Variants in DUOX1 observed in about 807,000 individuals in gnomAD.
DUOX1 encodes the protein dual oxidase 1.
Under a neutral mutation model 181.8 loss-of-function variants are expected in DUOX1, and 134 were observed. The ratio of observed to expected loss-of-function variants is 0.74; its 90% CI spans 0.64 to 0.85. The LOEUF is 0.85. Among genes scored for constraint, DUOX1 ranks in the 40% least tolerant of loss-of-function variants. DUOX1 has a pLI of 0.00. For synonymous variants in DUOX1, 798 were observed against 832.5 expected, an observed-to-expected ratio of 0.96 and a Z score of 0.71; for missense variants, 1,814 against 2,064.4, an observed-to-expected ratio of 0.88 and a Z score of 2.35.
At chr15:45,137,185 T>TAA (rs35442034) in intron 9 of DUOX1, among the ~76,000 whole-genome samples, 1,081 of 81,896 alleles carry the variant, frequency 0.013, 13 homozygotes, top group African/African-American at 0.032. Flanking sequence ...TCGTCTCTAC[T>TAA]AAAAAAAAAA....
intron 33 of DUOX1, 110 bp downstream of exon 33, chr15:45,164,028 C>T (rs1188185001): frequency 1.4e-6 from 2 of 1,462,432 alleles, no homozygotes; most frequent in African/African-American, 1.4e-5. Flanking sequence ...GAGAACCCAT[C>T]CCCTGGGAGA....
rs1328508633 is a variant in DUOX1 at position 45,155,866 on chromosome 15, C to G, written c.3639C>G (p.Phe1213Leu). 6.2e-7 allele frequency: 1 copy of G among 1,614,174 alleles called. No individual in the cohort carries two copies. The highest frequency in any genetic ancestry group is 1.7e-5 in the Admixed American group (1 of 60,006). ...TGTATGTCTTTGCCTCCCACCACTTCCGCCGCCGCAGTTTCCGGGGCTTCT... is the reference window on the plus strand; with the variant it reads ...TGTATGTCTTTGCCTCCCACCACTTGCGCCGCCGCAGTTTCCGGGGCTTCT... ...AIMYVFASHHFRRRSFRGFWL... is the reference protein window; with the variant it reads ...AIMYVFASHHLRRRSFRGFWL... Residue 1213 changes from phenylalanine to leucine, a missense_variant, in exon 28 of 34, where the codon TTC becomes TTG. By Grantham distance (22) the Phe-to-Leu change is conservative. Transcript: ENST00000389037.
rs750722681 is a variant in DUOX1, at chr15:45,139,423, C to T, written c.1217-4C>T. On this transcript the variant is annotated splice_polypyrimidine_tract_variant and splice_region_variant and intron_variant, in intron 11 of 33. Coordinates refer to ENST00000389037, the MANE Select transcript of DUOX1 (RefSeq NM_175940.3). ...CCTCAGACTGTCTGGTATCTTGTCT[C>T]CAGATTTCTGGCCTGGGCCACTGAA... The T allele has an allele frequency of 2.5e-6, 4 of 1,612,334 alleles. No homozygotes were observed. Among genetic ancestry groups the T allele is most frequent in the Non-Finnish European group, 3.4e-6 (4 of 1,179,520 alleles).
chr15:45,161,995 C>T (rs750875971), intron 30 of DUOX1, 25 bp downstream of exon 30: 4 of 1,582,542 alleles, frequency 2.5e-6, no homozygotes, highest in Non-Finnish European at 3.4e-6. Context: ...CCAGACATGC[C>T]ACATGCGCCC....
rs140106345 is a variant in DUOX1 at position 45,151,949 on chromosome 15, G to A, written c.3090G>A (p.Thr1030=). ...TCCAACGCAGCTGTCTCCACCAGAC[G>A]GTGCAACAGTTCAAGCGCTTCATTG... is the stretch of plus-strand genomic sequence containing the variant. ...EKFQRSCLHQ[T]VQQFKRFIEN... The change falls in exon 24 of 34, where the codon ACG becomes ACA. Residue 1030 remains threonine, a synonymous_variant. Transcript: ENST00000389037. 5.1e-4 allele frequency: 822 copies of A among 1,614,002 alleles called. 1 individual carries two copies. Among genetic ancestry groups the A allele is most frequent in the East Asian group, 2.4e-3 (107 of 44,850 alleles).
At position 45,135,541 on chromosome 15, in the gene DUOX1, C is replaced by T. The variant is rs773102580; in HGVS notation, c.563C>T (p.Ala188Val). Reference sequence around the variant, plus strand: ...GGTTCCTCGCATTCCTGGAGCGACGCGCTGCGGAGCTTCTCCAGGGGACAG... The same window carrying T: ...GGTTCCTCGCATTCCTGGAGCGACGTGCTGCGGAGCTTCTCCAGGGGACAG... ...IYGSSHSWSDALRSFSRGQLA... is the reference protein window; with the variant it reads ...IYGSSHSWSDVLRSFSRGQLA... Residue 188 changes from alanine (A) to valine (V), a missense_variant, in exon 6 of 34, where the codon GCG becomes GTG. By Grantham distance (64) the Ala-to-Val change is moderately conservative. Coordinates refer to ENST00000389037, the MANE Select transcript of DUOX1 (RefSeq NM_175940.3). The T allele has an allele frequency of 6.4e-6, 10 of 1,558,468 alleles. No individual in the cohort carries two copies. The South Asian group carries it at 1.1e-4, about 17-fold the overall frequency.
At chr15:45,143,152 C>A (rs371160776) in intron 15 of DUOX1, 38 bp from the exon 16 acceptor site, 2 of 1,539,394 alleles carry the variant, frequency 1.3e-6, no homozygotes, top group Admixed American at 1.7e-5. Flanking sequence ...TCCCCTAGAC[C>A]CCCACGTCTC....
At position 45,133,676 on chromosome 15, in the gene DUOX1, G is replaced by C. The variant is rs986808536; in HGVS notation, c.59-188G>C. The stretch of plus-strand genomic sequence containing the variant: ...TGTCTCCCCCACTGAGCAGCTTAAA[G>C]ATCTGGCTTGAGTTTGGACACTACT... On this transcript the variant is annotated intron_variant, in intron 2 of 33. Transcript: ENST00000389037. 5.3e-5 allele frequency among the ~76,000 whole-genome samples: 8 copies of C among 152,324 alleles called. 1 individual carries two copies. In the South Asian group the frequency reaches 1.4e-3, roughly 28 times the overall value.
chr15:45,138,886 G>C (rs1896410260), intron 10 of DUOX1, 180 bp from the exon 11 acceptor site: 1 of 605,638 alleles, frequency 1.7e-6, no homozygotes, highest in African/African-American at 1.9e-5. Flanking sequence ...CTGACAGAGG[G>C]GACACCCCTC....
At chr15:45,131,699 C>T in intron 1 of DUOX1, 3 of 500,016 alleles carry the variant, frequency 6.0e-6, no homozygotes, top group East Asian at 3.7e-5. Flanking sequence ...TTGTTCGTCA[C>T]TTAATCTCCA....
intron 9 of DUOX1, 80 bp downstream of exon 9, chr15:45,136,705 T>C: frequency 7.6e-7 from 1 of 1,322,500 alleles, no homozygotes; most frequent in East Asian, 2.3e-5. Flanking sequence ...AGGAGCCCTC[T>C]GTACAGGATT....
chr15:45,141,920 T>G, intron 14 of DUOX1, 55 bp from the exon 15 acceptor site: 1 of 1,565,054 alleles, frequency 6.4e-7, no homozygotes, highest in Non-Finnish European at 8.7e-7. Context: ...TCCGTGATCC[T>G]GTGCCAGCAC....
Position 45,152,008 on chromosome 15 carries a change from T to C in DUOX1, c.3149T>C (p.Val1050Ala). 3 of 1,614,086 alleles carry C rather than the reference T, an allele frequency of 1.9e-6. No homozygotes were observed. The highest frequency in any genetic ancestry group is 2.5e-6 in the Non-Finnish European group (3 of 1,180,012). ...CGGCGCCACATCGGCTGCGTGGCCG[T>C]GTTCTACGCCATCGCTGGGGGGCTT... is the stretch of plus-strand genomic sequence containing the variant. ...NYRRHIGCVA[V>A]FYAIAGGLFL... Residue 1050 changes from valine to alanine, a missense_variant, in exon 24 of 34, where the codon GTG (valine) becomes GCG (alanine). By Grantham distance (64) the Val-to-Ala change is moderately conservative. This residue lies in a region of DUOX1 where 1,064 missense variants were observed against 1,152.9 expected (regional missense o/e 0.92). Transcript: ENST00000389037.
intron 14 of DUOX1, 109 bp downstream of exon 14, chr15:45,141,519 G>A (rs764934474): frequency 2.4e-6 from 3 of 1,240,876 alleles, no homozygotes; most frequent in African/African-American, 1.5e-5. Flanking sequence ...GCTCCAAGAG[G>A]GGAGTGAGCT....
At chr15:45,134,633 G>A (rs769352238) in intron 4 of DUOX1, among the ~76,000 whole-genome samples, 4 of 152,174 alleles carry the variant, frequency 2.6e-5, no homozygotes, top group Non-Finnish European at 4.4e-5. Flanking sequence ...AATCTGGGAG[G>A]GCCTCTCCGT....
Position 45,145,092 on chromosome 15 carries a change from G to C in DUOX1, c.2322+12G>C. On this transcript the variant is annotated intron_variant, in intron 18 of 33. Transcript: ENST00000389037. ...ACCTTTTCTCCCAGGTGTGTACATG[G>C]GACCAGATCAATCCTTATGCTGTGG... 10 of 1,584,006 alleles carry C rather than the reference G, an allele frequency of 6.3e-6. No homozygotes were observed. The highest frequency in any genetic ancestry group is 8.6e-6 in the Non-Finnish European group (10 of 1,165,842).
chr15:45,157,516 A>G (rs1896993648), intron 28 of DUOX1, among the ~76,000 whole-genome samples: 1 of 152,256 alleles, frequency 6.6e-6, no homozygotes, highest in Middle Eastern at 3.4e-3. Context: ...GCCAGCAGGA[A>G]AGTCAGGGGT....
intron 27 of DUOX1, among the ~76,000 whole-genome samples, chr15:45,154,762 A>G (rs1177048900): frequency 6.6e-6 from 1 of 151,894 alleles, no homozygotes; most frequent in Non-Finnish European, 1.5e-5. Flanking sequence ...ACTTTTTTAT[A>G]CTTCAGGGCT....
intron 21 of DUOX1, 188 bp downstream of exon 21, chr15:45,148,635 A>T: frequency 2.4e-6 from 1 of 418,582 alleles, no homozygotes; most frequent in Non-Finnish European, 3.8e-6. Flanking sequence ...ATAATTATAC[A>T]ATATAATTTT....
Sources: allele counts gnomAD v4.1 joint callset (sites outside exome capture counted in the v4.1 genomes callset), GRCh38; gene constraint gnomAD v4.1.1; regional missense constraint gnomAD v4.1.1; transcripts MANE v1.5; gene names NCBI Gene and HGNC (gene_info 2026-07-23, HGNC 2026-07-21).